DTWD2: variants seen among roughly 807,000 people sequenced by gnomAD.
DTWD2 encodes DTW motif tRNA-uridine aminocarboxypropyltransferase 2.
A neutral mutation model predicts 31.8 loss-of-function variants in DTWD2; 39 were observed. The ratio of observed to expected loss-of-function variants is 1.22; its 90% CI spans 0.95 to 1.60. The LOEUF is 1.60. DTWD2 is among the 40% of genes most tolerant of loss of function. DTWD2 has a pLI of 0.00. For missense variants in DTWD2, 515 were observed against 381.5 expected (o/e 1.35, Z -2.92); for synonymous variants, 180 against 142.8 (o/e 1.26, Z -1.86).
At chr5:118,914,980 AC>A (rs1347346109) in intron 4 of DTWD2, among the ~76,000 whole-genome samples, 2 of 152,178 alleles carry the variant, frequency 1.3e-5, no homozygotes, top group African/African-American at 4.8e-5. Context: ...TAATCCCAGC[AC>A]TGTGGGAGGC....
intron 4 of DTWD2, among the ~76,000 whole-genome samples, chr5:118,871,867 G>A (rs971516023): frequency 6.6e-6 from 1 of 152,140 alleles, no homozygotes; most frequent in African/African-American, 2.4e-5. Context: ...CCCAGGCACT[G>A]ATTTCTCTCT....
At chr5:118,873,806 G>C (rs1360273206) in intron 4 of DTWD2, among the ~76,000 whole-genome samples, 1 of 152,146 alleles carries the variant, frequency 6.6e-6, no homozygotes, top group Non-Finnish European at 1.5e-5. Flanking sequence ...GTACCAACCA[G>C]CATCCTGCCC....
At chr5:118,892,369 T>C (rs1447037684) in intron 4 of DTWD2, among the ~76,000 whole-genome samples, 1 of 152,116 alleles carries the variant, frequency 6.6e-6, no homozygotes, top group East Asian at 1.9e-4. Flanking sequence ...CTTTTTAAAA[T>C]CACCAATTTA....
At chr5:118,913,097 A>G (rs949162390) in intron 4 of DTWD2, among the ~76,000 whole-genome samples, 3 of 152,166 alleles carry the variant, frequency 2.0e-5, no homozygotes, top group African/African-American at 7.2e-5. Context: ...GAAGTTATTT[A>G]TATCCTACTG....
intron 4 of DTWD2, among the ~76,000 whole-genome samples, chr5:118,850,251 GCCAGGAGTTTGAGA>G (rs1207755779): frequency 1.4e-5 from 2 of 146,348 alleles, no homozygotes; most frequent in African/African-American, 5.1e-5. Context: ...ATCACTTGAG[GCCAGGAGTTTGAGA>G]CCAGCATGGC....
chr5:118,943,885 G>T (rs887659881), intron 2 of DTWD2, among the ~76,000 whole-genome samples: 14 of 152,306 alleles, frequency 9.2e-5, no homozygotes, highest in African/African-American at 3.1e-4. Flanking sequence ...CGTCTATGAT[G>T]TCCTCAGTTC....
At position 118,841,034 on chromosome 5, in the gene DTWD2, G is replaced by T. The variant is rs755441186; in HGVS notation, c.780C>A (p.Ala260=). ...GGTGTTCCTTGCTGAGGCGAATTTG[G>T]GCACCATGCTGAAGTTGAAAGGAGC... is the stretch of plus-strand genomic sequence containing the variant. ...ALCSFQLQHG[A]QIRLSKEHLL... Residue 260 remains alanine, a synonymous_variant, in exon 6 of 6, where the codon GCC becomes GCA. Coordinates refer to ENST00000510708, the MANE Select transcript of DTWD2 (RefSeq NM_173666.4). The T allele has an allele frequency of 3.1e-6, 5 of 1,613,438 alleles. No individual in the cohort carries two copies. In the South Asian group the frequency reaches 4.4e-5, roughly 14 times the overall value.
chr5:118,867,314 C>A (rs1209691328), intron 4 of DTWD2, among the ~76,000 whole-genome samples: 8 of 151,916 alleles, frequency 5.3e-5, no homozygotes, highest in African/African-American at 1.7e-4. Flanking sequence ...TTCTATGGAT[C>A]CAAGATAGAA....
chr5:118,882,624 C>G (rs1409948254), intron 4 of DTWD2, among the ~76,000 whole-genome samples: 2 of 152,240 alleles, frequency 1.3e-5, no homozygotes, highest in African/African-American at 4.8e-5. Context: ...CATAACTCAA[C>G]TCTTGACTTC....
intron 4 of DTWD2, among the ~76,000 whole-genome samples, chr5:118,880,257 A>T (rs1752713247): frequency 6.6e-6 from 1 of 152,158 alleles, no homozygotes; most frequent in African/African-American, 2.4e-5. Flanking sequence ...TAAAATTAGG[A>T]TATGTCTTAT....
At chr5:118,877,536 C>T (rs1752649186) in intron 4 of DTWD2, among the ~76,000 whole-genome samples, 1 of 151,212 alleles carries the variant, frequency 6.6e-6, no homozygotes, top group Admixed American at 6.6e-5. Context: ...AGAAACATAC[C>T]TCAAAATAAT....
chr5:118,842,884 C>T (rs900625136), intron 5 of DTWD2, among the ~76,000 whole-genome samples: 12 of 150,348 alleles, frequency 8.0e-5, no homozygotes, highest in East Asian at 4.0e-4. Flanking sequence ...GAGGTCAAGG[C>T]GGCAGTGAGC....
At chr5:118,939,738 TACTTA>T (rs908362342) in intron 2 of DTWD2, among the ~76,000 whole-genome samples, 19 of 152,272 alleles carry the variant, frequency 1.2e-4, no homozygotes, top group African/African-American at 4.6e-4. Context: ...ATAGCCTCTT[TACTTA>T]AATTAAAAAT....
Position 118,963,505 on chromosome 5 carries a change from A to G in DTWD2, c.219-18856T>C, listed in dbSNP as rs116318560. 1.4e-3 allele frequency among the ~76,000 whole-genome samples: 207 copies of G among 152,350 alleles called. 1 individual carries two copies. The highest frequency in any genetic ancestry group is 5.2e-3 in the Admixed American group (80 of 15,302). ...ACCTGCAGGACTTGGATGTTACACA[A>G]AAGATTCTGAACTCCCTTCTTTACC... is the stretch of plus-strand genomic sequence containing the variant. On this transcript the variant is annotated intron_variant, in intron 1 of 5. Coordinates refer to ENST00000510708, the MANE Select transcript of DTWD2 (RefSeq NM_173666.4).
At chr5:118,949,879 G>C (rs1421652341) in intron 1 of DTWD2, among the ~76,000 whole-genome samples, 1 of 152,136 alleles carries the variant, frequency 6.6e-6, no homozygotes, top group African/African-American at 2.4e-5. Context: ...AAGGGAACTG[G>C]GCACGTGGGG....
intron 4 of DTWD2, among the ~76,000 whole-genome samples, chr5:118,897,261 A>G (rs1025533740): frequency 3.9e-5 from 6 of 152,214 alleles, no homozygotes; most frequent in African/African-American, 1.4e-4. Flanking sequence ...AAATCACATA[A>G]GATGTATTTA....
Position 118,948,251 on chromosome 5 carries a change from G to A in DTWD2, c.219-3602C>T, listed in dbSNP as rs542791890. On this transcript the variant is annotated intron_variant, in intron 1 of 5. Coordinates refer to ENST00000510708, the MANE Select transcript of DTWD2 (RefSeq NM_173666.4). ...AGCACTTTGGGAGGCCGAGGCGGGC[G>A]GATCACAAGGTCAGGAGTTAGGGAC... is the stretch of plus-strand genomic sequence containing the variant. Among the ~76,000 whole-genome samples the A allele has an allele frequency of 1.4e-4, 22 of 152,150 alleles. No individual in the cohort carries two copies. The South Asian group carries it at 3.5e-3, about 24-fold the overall frequency.
chr5:118,878,638 G>A (rs1020604934), intron 4 of DTWD2, among the ~76,000 whole-genome samples: 1 of 152,074 alleles, frequency 6.6e-6, no homozygotes. Flanking sequence ...AAAAGCAATT[G>A]CAACAAAAGC....
chr5:118,871,282 C>T (rs995916797), intron 4 of DTWD2, among the ~76,000 whole-genome samples: 1 of 152,186 alleles, frequency 6.6e-6, no homozygotes, highest in African/African-American at 2.4e-5. Flanking sequence ...AAGTCATCCA[C>T]GAGAGTTGGA....
Sources: gnomAD v4.1 joint callset for allele counts (sites outside exome capture counted in the v4.1 genomes callset) on GRCh38, gnomAD v4.1.1 for gene constraint, MANE v1.5 for transcripts, NCBI Gene and HGNC (gene_info 2026-07-23, HGNC 2026-07-21) for gene names.